Variants in PTK2 observed in about 807,000 individuals in gnomAD.
PTK2 encodes the protein protein tyrosine kinase 2, also known as focal adhesion kinase 1.
In PTK2, 45 loss-of-function variants were observed where a neutral mutation model predicts 150.1. That is an observed-to-expected ratio of 0.30 (90% CI 0.24 to 0.38). The LOEUF (loss-of-function observed/expected upper bound fraction) is 0.38, where lower values mean the gene tolerates loss of function less well. Among genes scored for constraint, PTK2 ranks in the 10% least tolerant of loss-of-function variants. The probability of loss-of-function intolerance (pLI) is 1.00; values close to 1 mark genes in which losing one functional copy is unlikely to be tolerated. For missense variants in PTK2, 919 were observed against 1,307.3 expected (o/e 0.70, Z 4.58); for synonymous variants, 432 against 449.2 (o/e 0.96, Z 0.48).
chr8:140,715,997 T>C (rs918064525), intron 23 of PTK2, among the ~76,000 whole-genome samples: 4 of 152,210 alleles, frequency 2.6e-5, no homozygotes, highest in Non-Finnish European at 5.9e-5. Flanking sequence ...AGGGAAGTGT[T>C]GCATTCTTTG....
At chr8:140,690,547 A>C (rs1260715579) in intron 26 of PTK2, among the ~76,000 whole-genome samples, 1 of 152,248 alleles carries the variant, frequency 6.6e-6, no homozygotes. Context: ...ATAATCTAAC[A>C]AAAGAAACAT....
At chr8:140,959,930 C>G (rs1285748591) in intron 1 of PTK2, among the ~76,000 whole-genome samples, 2 of 151,580 alleles carry the variant, frequency 1.3e-5, no homozygotes, top group Admixed American at 6.6e-5. Flanking sequence ...GTGGGAGGAT[C>G]TGCTTGAGCC....
chr8:140,954,145 A>G (rs1010873892), intron 1 of PTK2, among the ~76,000 whole-genome samples: 7 of 151,910 alleles, frequency 4.6e-5, no homozygotes, highest in African/African-American at 1.7e-4. Flanking sequence ...ACGTCTGGCT[A>G]ATTTTTGTCT....
intron 7 of PTK2, among the ~76,000 whole-genome samples, chr8:140,835,373 A>C (rs2100118110): frequency 1.3e-5 from 2 of 152,192 alleles, no homozygotes; most frequent in South Asian, 4.1e-4. Context: ...CTTAAAACCC[A>C]GGCAAAAATG....
intron 1 of PTK2, among the ~76,000 whole-genome samples, chr8:140,932,217 C>T (rs1373397267): frequency 6.6e-6 from 1 of 152,038 alleles, no homozygotes; most frequent in Non-Finnish European, 1.5e-5. Flanking sequence ...AGATATTTAA[C>T]ATTTCTTTTT....
chr8:140,748,533 G>A (rs561035409), intron 17 of PTK2, among the ~76,000 whole-genome samples: 42 of 150,570 alleles, frequency 2.8e-4, no homozygotes, highest in African/African-American at 8.8e-4. Flanking sequence ...CAGGACAGCC[G>A]TGAGGACTTT....
intron 29 of PTK2, chr8:140,674,093 AG>A (rs748876763): frequency 2.7e-6 from 2 of 728,500 alleles, no homozygotes; most frequent in Admixed American, 3.5e-5. Context: ...AAAATGGAAA[AG>A]AAAATGTTTG....
intron 12 of PTK2, among the ~76,000 whole-genome samples, chr8:140,798,352 T>C (rs1596035405): frequency 6.6e-6 from 1 of 152,304 alleles, no homozygotes; most frequent in South Asian, 2.1e-4. Flanking sequence ...GAAATAGTTA[T>C]ATAATACATA....
chr8:140,705,665 T>G (rs2100033326), intron 24 of PTK2, among the ~76,000 whole-genome samples: 1 of 152,248 alleles, frequency 6.6e-6, no homozygotes, highest in African/African-American at 2.4e-5. Context: ...CAAGTCCTTT[T>G]CTTTGAAGGA....
intron 2 of PTK2, among the ~76,000 whole-genome samples, chr8:140,922,948 T>A (rs1416856035): frequency 6.6e-6 from 1 of 152,016 alleles, no homozygotes; most frequent in Non-Finnish European, 1.5e-5. Context: ...CACAGGGTGG[T>A]GGTGACTGGA....
intron 1 of PTK2, among the ~76,000 whole-genome samples, chr8:140,960,226 T>A: frequency 8.5e-6 from 1 of 117,994 alleles, no homozygotes. Flanking sequence ...TGAGACGGAG[T>A]CTCACTCTGT....
At chr8:140,739,206 C>T (rs1411371917) in intron 20 of PTK2, 99 bp from the exon 24 acceptor site, 3 of 713,162 alleles carry the variant, frequency 4.2e-6, no homozygotes, top group Non-Finnish European at 4.3e-6. Flanking sequence ...AAAGCTTTAA[C>T]TATTTGAACC....
At chr8:140,759,353 A>T (rs529711938) in intron 16 of PTK2, among the ~76,000 whole-genome samples, 1 of 151,836 alleles carries the variant, frequency 6.6e-6, no homozygotes, top group South Asian at 2.1e-4. Flanking sequence ...GGGCAACATC[A>T]TGGGACCCTG....
chr8:140,887,630 C>T (rs2100152782), intron 3 of PTK2, among the ~76,000 whole-genome samples: 1 of 152,112 alleles, frequency 6.6e-6, no homozygotes. Context: ...TTCTACAGAA[C>T]ACCACTGTCC....
chr8:140,836,861 A>G (rs1046508904), intron 7 of PTK2, among the ~76,000 whole-genome samples: 7 of 152,190 alleles, frequency 4.6e-5, no homozygotes, highest in Non-Finnish European at 7.3e-5. Flanking sequence ...ATTAAAAACA[A>G]ATTTCTAAAA....
At chr8:140,982,628 C>G (rs1299681071) in intron 1 of PTK2, among the ~76,000 whole-genome samples, 2 of 152,068 alleles carry the variant, frequency 1.3e-5, no homozygotes, top group Non-Finnish European at 2.9e-5. Context: ...AGACACAGGA[C>G]AGTCAGCTGC....
chr8:140,761,370 C>T, intron 15 of PTK2, 108 bp from the exon 19 acceptor site: 1 of 881,728 alleles, frequency 1.1e-6, no homozygotes, highest in East Asian at 2.4e-5. Flanking sequence ...ATCTGTGGCA[C>T]ATCAATCTAT....
intron 7 of PTK2, among the ~76,000 whole-genome samples, chr8:140,840,322 G>A (rs555579242): frequency 6.6e-6 from 1 of 152,162 alleles, no homozygotes; most frequent in Non-Finnish European, 1.5e-5. Flanking sequence ...GGGATTATAG[G>A]TTATGAGCCA....
At chr8:140,691,214 A>G (rs974355421) in intron 26 of PTK2, among the ~76,000 whole-genome samples, 1 of 148,966 alleles carries the variant, frequency 6.7e-6, no homozygotes, top group African/African-American at 2.5e-5. Context: ...GGGTCTCACT[A>G]TGTTATCCAG....
Sources: gnomAD v4.1 joint callset for allele counts (sites outside exome capture counted in the v4.1 genomes callset) on GRCh38, gnomAD v4.1.1 for gene constraint, MANE v1.5 for transcripts, NCBI Gene and HGNC (gene_info 2026-07-23, HGNC 2026-07-21) for gene names.